The following GALNT13 variants were observed in gnomAD, a reference collection of about 807,000 sequenced individuals.
GALNT13 encodes UDP-GalNAc:polypeptide N-acetylgalactosaminyltransferase 13.
In GALNT13, 28 loss-of-function variants were observed where a neutral mutation model predicts 64.2. That is an observed-to-expected ratio of 0.44 (90% CI 0.32 to 0.60). The LOEUF is 0.60. Ranked by LOEUF, GALNT13 falls within the 20% of genes least tolerant of loss-of-function variation. GALNT13 has a pLI of 0.05. For missense variants in GALNT13, 577 were observed against 669.8 expected, an observed-to-expected ratio of 0.86 and a Z score of 1.53; for synonymous variants, 214 against 224.6, an observed-to-expected ratio of 0.95 and a Z score of 0.42.
At chr2:153,487,640 C>T in the GALNT13 span, among the ~76,000 whole-genome samples, 1 of 152,108 alleles carries the variant, frequency 6.6e-6, no homozygotes, top group Non-Finnish European at 1.5e-5. Flanking sequence ...GACTGGGGCA[C>T]TGGGAGAGTG....
At chr2:154,288,590 T>C (rs1018426171) in intron 8 of GALNT13, among the ~76,000 whole-genome samples, 2 of 152,084 alleles carry the variant, frequency 1.3e-5, no homozygotes, top group African/African-American at 4.8e-5. Flanking sequence ...ATTCAGAAAA[T>C]ACGGCTGTTC....
the GALNT13 span, among the ~76,000 whole-genome samples, chr2:153,471,958 A>G: frequency 6.6e-6 from 1 of 152,232 alleles, no homozygotes; most frequent in East Asian, 1.9e-4. Flanking sequence ...CTGTAGTAGA[A>G]TAAACATGTT....
At chr2:154,371,404 T>G in intron 9 of GALNT13, among the ~76,000 whole-genome samples, 1 of 152,016 alleles carries the variant, frequency 6.6e-6, no homozygotes, top group African/African-American at 2.4e-5. Context: ...TTTCTAGAAG[T>G]TTTTGAGTGT....
the GALNT13 span, among the ~76,000 whole-genome samples, chr2:153,308,119 T>A: frequency 6.6e-6 from 1 of 152,172 alleles, no homozygotes. Context: ...GCTATTTTTA[T>A]TTTCTATGGA....
the GALNT13 span, among the ~76,000 whole-genome samples, chr2:153,789,390 G>A: frequency 6.6e-6 from 1 of 152,074 alleles, no homozygotes; most frequent in Non-Finnish European, 1.5e-5. Context: ...GTTCTTTGAA[G>A]CTTGTAGAAC....
intron 3 of GALNT13, among the ~76,000 whole-genome samples, chr2:153,970,526 A>G (rs978168653): frequency 6.6e-6 from 1 of 152,156 alleles, no homozygotes; most frequent in African/African-American, 2.4e-5. Flanking sequence ...ATCTCTTTGA[A>G]TATATTGTTC....
intron 8 of GALNT13, among the ~76,000 whole-genome samples, chr2:154,281,529 G>A (rs555190894): frequency 3.3e-5 from 5 of 152,186 alleles, no homozygotes; most frequent in African/African-American, 1.2e-4. Flanking sequence ...GAAAGTTGTC[G>A]AAAGGCAAAA....
chr2:154,255,123 C>G (rs1256661430), intron 7 of GALNT13, among the ~76,000 whole-genome samples: 3 of 152,076 alleles, frequency 2.0e-5, no homozygotes, highest in Admixed American at 6.6e-5. Context: ...AGGGAAACCT[C>G]TACAGAACAA....
chr2:153,214,804 A>C, the GALNT13 span, among the ~76,000 whole-genome samples: 1 of 152,192 alleles, frequency 6.6e-6, no homozygotes, highest in Non-Finnish European at 1.5e-5. Flanking sequence ...CTTTATTAGA[A>C]AAATAAGTCA....
At chr2:153,374,008 A>T in the GALNT13 span, among the ~76,000 whole-genome samples, 1 of 152,214 alleles carries the variant, frequency 6.6e-6, no homozygotes, top group African/African-American at 2.4e-5. Flanking sequence ...TTATTCAAAC[A>T]TCCATCGATG....
At chr2:153,958,424 G>A (rs1368167971) in intron 3 of GALNT13, among the ~76,000 whole-genome samples, 1 of 152,190 alleles carries the variant, frequency 6.6e-6, no homozygotes, top group African/African-American at 2.4e-5. Flanking sequence ...TAATTGTAAA[G>A]TATCATTATA....
chr2:153,273,096 A>G, the GALNT13 span, among the ~76,000 whole-genome samples: 1 of 152,140 alleles, frequency 6.6e-6, no homozygotes, highest in South Asian at 2.1e-4. Flanking sequence ...ACATGGACAC[A>G]GGGAGGGGAA....
At chr2:154,046,290 G>C (rs1699282603) in intron 3 of GALNT13, among the ~76,000 whole-genome samples, 1 of 152,124 alleles carries the variant, frequency 6.6e-6, no homozygotes, top group South Asian at 2.1e-4. Context: ...ATGCCACCGA[G>C]TACAGTCTAG....
At chr2:153,239,829 T>A in the GALNT13 span, among the ~76,000 whole-genome samples, 1 of 152,186 alleles carries the variant, frequency 6.6e-6, no homozygotes, top group Non-Finnish European at 1.5e-5. Flanking sequence ...CAGGTTAATA[T>A]TGGCCTCATA....
intron 9 of GALNT13, among the ~76,000 whole-genome samples, chr2:154,304,149 G>A (rs752380109): frequency 6.6e-6 from 1 of 152,116 alleles, no homozygotes; most frequent in East Asian, 1.9e-4. Flanking sequence ...AAAGAATGGG[G>A]GCATTGTATG....
chr2:154,317,297 A>G (rs945814301), intron 9 of GALNT13, among the ~76,000 whole-genome samples: 1 of 152,124 alleles, frequency 6.6e-6, no homozygotes, highest in African/African-American at 2.4e-5. Context: ...ACAGATTGAG[A>G]AGATAAGAAA....
At chr2:154,048,722 T>G (rs1699413831) in intron 3 of GALNT13, among the ~76,000 whole-genome samples, 1 of 152,212 alleles carries the variant, frequency 6.6e-6, no homozygotes, top group East Asian at 1.9e-4. Flanking sequence ...TACCTGCCAC[T>G]TATTAGAGAT....
the GALNT13 span, among the ~76,000 whole-genome samples, chr2:153,627,686 T>G: frequency 6.6e-6 from 1 of 152,154 alleles, no homozygotes; most frequent in Non-Finnish European, 1.5e-5. Context: ...AAGGCCATTG[T>G]GCAGCCATGT....
chr2:154,428,936 A>G (rs958411426), intron 11 of GALNT13, among the ~76,000 whole-genome samples: 1 of 152,048 alleles, frequency 6.6e-6, no homozygotes, highest in Admixed American at 6.6e-5. Flanking sequence ...AACTATTGTT[A>G]ATTGTTTTGT....
Sources: gnomAD v4.1 joint callset for allele counts (sites outside exome capture counted in the v4.1 genomes callset) on GRCh38, gnomAD v4.1.1 for gene constraint, MANE v1.5 for transcripts, NCBI Gene and HGNC (gene_info 2026-07-23, HGNC 2026-07-21) for gene names.